Variants in USP11 observed in about 807,000 individuals in gnomAD.
The protein encoded by USP11 is ubiquitin specific peptidase 11.
A neutral mutation model predicts 72.8 loss-of-function variants in USP11; 5 were observed. That is an observed-to-expected ratio of 0.07 (90% confidence interval 0.04 to 0.14). The LOEUF is 0.14. Among genes scored for constraint, USP11 ranks in the 10% least tolerant of loss-of-function variants. The probability of loss-of-function intolerance (pLI) is 1.00; values close to 1 mark genes in which losing one functional copy is unlikely to be tolerated. For synonymous variants in USP11, 368 were observed against 326.5 expected (o/e 1.13, Z -1.37); for missense variants, 480 against 794.7 (o/e 0.60, Z 4.76).
rs2147354614 is a variant in USP11, at chrX:47,245,394, G to T, written c.2182G>T (p.Gly728Trp). The stretch of plus-strand genomic sequence containing the variant: ...GGGCTACGTGAAGCATGACTGCGTC[G>T]GGTACGTGATGAAGAAGGCTCCCGT... ...AEGYVKHDCV[G>W]YVMKKAPVRL... is the part of the protein sequence containing the mutation. The change falls in exon 17 of 21, where the codon GGG becomes TGG. Residue 728 changes from glycine to tryptophan, a missense_variant. Gly to Trp is a radical substitution (Grantham distance 184, BLOSUM62 -2). Coordinates refer to ENST00000377107, the MANE Select transcript of USP11 (RefSeq NM_001371072.1). 1 of 1,211,290 alleles carries T rather than the reference G, an allele frequency of 8.3e-7. No individual in the cohort carries two copies. The highest frequency in any genetic ancestry group is 1.1e-6 in the Non-Finnish European group (1 of 895,066).
intron 7 of USP11, 73 bp from the exon 8 acceptor site, chrX:47,241,201 GCTT>G (rs1602711117): frequency 9.4e-7 from 1 of 1,058,661 alleles, no homozygotes; most frequent in Non-Finnish European, 1.3e-6. Context: ...TTTCCTCCTG[GCTT>G]CTTTTTGTGT....
At chrX:47,239,210 G>A (rs1260316534) in intron 2 of USP11, 31 bp downstream of exon 2, 1 of 1,185,882 alleles carries the variant, frequency 8.4e-7, no homozygotes. Context: ...TCTCACCCTA[G>A]CCCTGGAGTT....
intron 17 of USP11, among the ~76,000 whole-genome samples, chrX:47,245,763 C>T (rs1464699105): frequency 1.8e-5 from 2 of 110,907 alleles, no homozygotes; most frequent in Non-Finnish European, 3.8e-5. Flanking sequence ...AGGCTGGTCT[C>T]GAACTCCTGA....
In USP11 at chrX:47,243,271, A is replaced by ATAAAT. The variant is rs1021776564; in HGVS notation, c.1584-124_1584-120dup. 6.1e-6 allele frequency: 4 copies of ATAAAT among 658,064 alleles called. No homozygotes were observed. The African/African-American group carries it at 9.1e-5, about 15-fold the overall frequency. 54.2% of individuals were successfully genotyped at this position (658,064 alleles called of 1,213,427 possible). Reference sequence around the variant, plus strand: ...GAGCGAGACTCCGTCTCAAAAATAAATAAATAAATAAATAAAAATAAAAAT... The same window carrying ATAAAT: ...GAGCGAGACTCCGTCTCAAAAATAAATAAATTAAATAAATAAATAAAAATAAAAAT... On this transcript the variant is annotated intron_variant, in intron 12 of 20. Transcript: ENST00000377107.
intron 17 of USP11, among the ~76,000 whole-genome samples, chrX:47,246,823 C>G (rs1185181801): frequency 9.0e-6 from 1 of 110,623 alleles, no homozygotes; most frequent in Non-Finnish European, 1.9e-5. Context: ...GAATTCAAGG[C>G]CAGCCTGGCC....
chrX:47,241,824 A>G lies in USP11; in HGVS notation c.1179+125A>G, dbSNP rs970947023. On this transcript the variant is annotated intron_variant, in intron 9 of 20. Coordinates refer to ENST00000377107, the MANE Select transcript of USP11 (RefSeq NM_001371072.1). Reference sequence around the variant, plus strand: ...TGTTAAGTTTCTCTACCTGACCTCAACTCCAGCCTTACTCTTAACCTTAGT... The same window carrying G: ...TGTTAAGTTTCTCTACCTGACCTCAGCTCCAGCCTTACTCTTAACCTTAGT... 9.0e-6 allele frequency: 8 copies of G among 886,109 alleles called. No individual in the cohort carries two copies. In the Admixed American group the frequency reaches 3.1e-4, roughly 34 times the overall value. The allele number at this position is 886,109 out of a possible 1,213,427, so 73.0% of individuals were successfully genotyped here.
At position 47,240,461 on chromosome X, in the gene USP11, G is replaced by A. The variant is rs765593090; in HGVS notation, c.681+11G>A. The A allele has an allele frequency of 1.7e-6, 2 of 1,211,665 alleles. No homozygotes were observed. The highest frequency in any genetic ancestry group is 2.2e-6 in the Non-Finnish European group (2 of 895,342). On this transcript the variant is annotated intron_variant, in intron 5 of 20. Coordinates refer to ENST00000377107, the MANE Select transcript of USP11 (RefSeq NM_001371072.1). Reference sequence around the variant, plus strand: ...CTTGAGACTGGGCAGGTAAGGGTGGGGAGGGCTTTTCTGTTCAGGTGGACT... The same window carrying A: ...CTTGAGACTGGGCAGGTAAGGGTGGAGAGGGCTTTTCTGTTCAGGTGGACT...
Position 47,247,227 on chromosome X carries a change from G to C in USP11, c.2420+6G>C. ...CTCGTGGAGTTTCCTATCCGGTCAG[G>C]GGCCAGGGAGAGGATGGCTGGGGGA... On this transcript the variant is annotated splice_donor_region_variant and intron_variant, in intron 18 of 20. Coordinates refer to ENST00000377107, the MANE Select transcript of USP11 (RefSeq NM_001371072.1). 5.8e-6 allele frequency: 7 copies of C among 1,211,151 alleles called. No homozygotes were observed. The highest frequency in any genetic ancestry group is 7.8e-6 in the Non-Finnish European group (7 of 895,371).
chrX:47,245,673 T>C (rs1484040172), intron 17 of USP11, among the ~76,000 whole-genome samples, 191 bp downstream of exon 17: 1 of 109,292 alleles, frequency 9.1e-6, no homozygotes, highest in East Asian at 2.9e-4. Flanking sequence ...GTCTCCTGAG[T>C]AGCTGGGATT....
intron 13 of USP11, among the ~76,000 whole-genome samples, chrX:47,244,243 C>T (rs946055806): frequency 4.6e-5 from 5 of 109,438 alleles, no homozygotes; most frequent in African/African-American, 1.3e-4. Flanking sequence ...CAATTACAGC[C>T]GCGCGCCACC....
chrX:47,248,057 C>T lies in USP11; in HGVS notation c.*127C>T, dbSNP rs1472295172. ...CCAGGCATTGCAGGCTTAGTCGTGG[C>T]TACTGTTCTCCTGTGCCGCTGCATC... On this transcript the variant is annotated 3_prime_UTR_variant, in exon 21 of 21. Transcript: ENST00000377107. The T allele has an allele frequency of 4.1e-6, 4 of 972,366 alleles. No individual in the cohort carries two copies. Among genetic ancestry groups the T allele is most frequent in the Non-Finnish European group, 5.5e-6 (4 of 732,435 alleles). The allele number at this position is 972,366 out of a possible 1,213,427, so 80.1% of individuals were successfully genotyped here. A position where few individuals can be genotyped will look rare whatever the true frequency, so the allele number is the denominator to read the frequency against.
Position 47,233,133 on chromosome X carries a change from G to C in USP11, c.90G>C (p.Glu30Asp). The stretch of plus-strand genomic sequence containing the variant: ...CTGAGGATAGAGAGCCACAGCACGA[G>C]GAGCTGCCAGGCCTGGACAGCCAGT... ...AVTEDREPQHEELPGLDSQWR... is the reference protein window; with the variant it reads ...AVTEDREPQHDELPGLDSQWR... Residue 30 changes from glutamate to aspartate, a missense_variant, in exon 1 of 21, where the codon GAG becomes GAC. Physicochemically the swap from Glu to Asp is conservative, Grantham distance 45 (BLOSUM62 2). Transcript: ENST00000377107. 6 of 1,199,448 alleles carry C rather than the reference G, an allele frequency of 5.0e-6. No homozygotes were observed. The highest frequency in any genetic ancestry group is 6.7e-6 in the Non-Finnish European group (6 of 889,428).
chrX:47,248,237 G>C lies in USP11; in HGVS notation c.*307G>C, dbSNP rs2055447987. ...AGAGTGTTCTGCGTGGGTGGTGATG[G>C]GGGTTCACCTGAACACAGAGTGTAT... is the stretch of plus-strand genomic sequence containing the variant. On this transcript the variant is annotated 3_prime_UTR_variant, in exon 21 of 21. Coordinates refer to ENST00000377107, the MANE Select transcript of USP11 (RefSeq NM_001371072.1). 1 of 290,436 alleles carries C rather than the reference G, an allele frequency of 3.4e-6. No homozygotes were observed. The highest frequency in any genetic ancestry group is 6.6e-5 in the South Asian group (1 of 15,132). 23.9% of individuals were successfully genotyped at this position (290,436 alleles called of 1,213,427 possible). A position where few individuals can be genotyped will look rare whatever the true frequency, so the allele number is the denominator to read the frequency against.
rs142723541 is a variant in USP11 at position 47,247,141 on chromosome X, T to C, written c.2340T>C (p.Ile780=). The part of the protein sequence containing the change: ...KKLDLWMLPE[I]LIIHLKRFSY... ...TGGACCTGTGGATGCTGCCGGAGAT[T>C]CTCATCATCCACCTGAAACGCTTTT... Residue 780 remains isoleucine, a synonymous_variant, in exon 18 of 21, where the codon ATT becomes ATC. Transcript: ENST00000377107. 36 of 1,209,444 alleles carry C rather than the reference T, an allele frequency of 3.0e-5. No individual in the cohort carries two copies. The African/African-American group carries it at 6.3e-4, about 21-fold the overall frequency.
At chrX:47,245,112 G>T (rs755473507) in intron 16 of USP11, 26 bp downstream of exon 16, 1 of 1,201,581 alleles carries the variant, frequency 8.3e-7, no homozygotes, top group Admixed American at 2.2e-5. Flanking sequence ...GGGATGGGGG[G>T]TACTTCCAGC....
Position 47,247,300 on chromosome X carries a change from A to C in USP11, c.2421-4A>C. 1.7e-6 allele frequency: 2 copies of C among 1,211,434 alleles called. No homozygotes were observed. Among genetic ancestry groups the C allele is most frequent in the Non-Finnish European group, 2.2e-6 (2 of 895,291 alleles). On this transcript the variant is annotated splice_region_variant and splice_polypyrimidine_tract_variant and intron_variant, in intron 18 of 20. Coordinates refer to ENST00000377107, the MANE Select transcript of USP11 (RefSeq NM_001371072.1). ...ACCAGTATTAACCCTCTCCCCACCC[A>C]CAGGGACCTGGACTTCTCTGAGTTT...
chrX:47,244,636 C>T (rs779410029), intron 14 of USP11, 46 bp from the exon 15 acceptor site: 2 of 1,202,953 alleles, frequency 1.7e-6, no homozygotes, highest in African/African-American at 1.8e-5. Flanking sequence ...TGCAGCTTAG[C>T]ACTTGAGGCT....
chrX:47,244,745 C>T lies in USP11; in HGVS notation c.1907C>T (p.Pro636Leu), dbSNP rs765980035. Residue 636 changes from proline (P) to leucine (L), a missense_variant, in exon 15 of 21, where the codon CCT becomes CTT. This residue lies in a region of USP11 where 314 missense variants were observed against 556.0 expected (regional missense o/e 0.56). Coordinates refer to ENST00000377107, the MANE Select transcript of USP11 (RefSeq NM_001371072.1). ...GPSTGGSLRD[P>L]EPEQAGPSSG... Reference sequence around the variant, plus strand: ...TCAACTGGGGGCAGCCTCCGAGACCCTGAGCCAGAGCAGGCTGGGCCCAGC... The same window carrying T: ...TCAACTGGGGGCAGCCTCCGAGACCTTGAGCCAGAGCAGGCTGGGCCCAGC... The T allele has an allele frequency of 1.7e-6, 2 of 1,210,356 alleles. No individual in the cohort carries two copies. Among genetic ancestry groups the T allele is most frequent in the East Asian group, 3.0e-5 (1 of 33,766 alleles).
At chrX:47,246,712 A>T (rs908221840) in intron 17 of USP11, among the ~76,000 whole-genome samples, 2 of 110,552 alleles carry the variant, frequency 1.8e-5, no homozygotes, top group Admixed American at 9.8e-5. Flanking sequence ...AAGGGCGCAC[A>T]GTAGGTGCTC....
Sources: allele counts gnomAD v4.1 joint callset (sites outside exome capture counted in the v4.1 genomes callset), GRCh38; gene constraint gnomAD v4.1.1; regional missense constraint gnomAD v4.1.1; transcripts MANE v1.5; gene names NCBI Gene and HGNC (gene_info 2026-07-23, HGNC 2026-07-21).